Variants in STXBP5L observed in about 807,000 individuals in gnomAD.
STXBP5L encodes the protein syntaxin-binding protein 5-like.
STXBP5L carries 65 observed loss-of-function variants against 144.5 expected under a neutral mutation model. The observed-to-expected ratio is 0.45, with a 90% confidence interval of 0.37 to 0.55. STXBP5L has a LOEUF of 0.55. Among genes scored for constraint, STXBP5L ranks in the 20% least tolerant of loss-of-function variants. STXBP5L has a pLI of 0.00. For missense variants in STXBP5L, 1,298 were observed against 1,405.5 expected, an observed-to-expected ratio of 0.92 and a Z score of 1.22; for synonymous variants, 505 against 469.6, an observed-to-expected ratio of 1.08 and a Z score of -0.97.
intron 3 of STXBP5L, among the ~76,000 whole-genome samples, chr3:120,974,483 GCTC>G (rs1940693217): frequency 4.7e-5 from 7 of 148,864 alleles, no homozygotes; most frequent in African/African-American, 1.5e-4. Flanking sequence ...ATTCTCCCAT[GCTC>G]TAGGTTGCCT....
chr3:121,002,224 TCTC>T (rs1943839836), intron 3 of STXBP5L, among the ~76,000 whole-genome samples: 1 of 152,156 alleles, frequency 6.6e-6, no homozygotes. Flanking sequence ...TTATCTTTCT[TCTC>T]TTTGATAATA....
At chr3:121,078,778 T>C (rs2042132660) in intron 5 of STXBP5L, among the ~76,000 whole-genome samples, 1 of 152,232 alleles carries the variant, frequency 6.6e-6, no homozygotes, top group East Asian at 1.9e-4. Context: ...CAGTACACCC[T>C]CCGCAGCCGC....
chr3:121,365,307 A>G (rs1479220071), intron 20 of STXBP5L, among the ~76,000 whole-genome samples: 1 of 151,914 alleles, frequency 6.6e-6, no homozygotes, highest in Non-Finnish European at 1.5e-5. Context: ...GTCCTCTTCA[A>G]TTTTTGAAAA....
chr3:120,965,885 C>T (rs1939508248), intron 3 of STXBP5L, among the ~76,000 whole-genome samples: 1 of 152,128 alleles, frequency 6.6e-6, no homozygotes, highest in South Asian at 2.1e-4. Flanking sequence ...CAACTTGGTG[C>T]CATTCTCCCC....
intron 20 of STXBP5L, among the ~76,000 whole-genome samples, chr3:121,334,268 C>A (rs541492444): frequency 2.3e-4 from 35 of 152,122 alleles, no homozygotes; most frequent in African/African-American, 7.9e-4. Context: ...ACCTACCAAC[C>A]AGAAAAGTCC....
chr3:121,027,902 T>C (rs1946068444), intron 3 of STXBP5L, among the ~76,000 whole-genome samples: 1 of 152,096 alleles, frequency 6.6e-6, no homozygotes, highest in Non-Finnish European at 1.5e-5. Context: ...CTTTCATATA[T>C]CCTCAGCTCT....
chr3:121,392,014 T>G (rs2046601479), intron 22 of STXBP5L, among the ~76,000 whole-genome samples: 1 of 152,130 alleles, frequency 6.6e-6, no homozygotes, highest in African/African-American at 2.4e-5. Flanking sequence ...CCCACAGAGG[T>G]GGAGTCTAGA....
intron 10 of STXBP5L, among the ~76,000 whole-genome samples, chr3:121,217,950 A>G (rs993037372): frequency 2.0e-5 from 3 of 148,856 alleles, no homozygotes; most frequent in East Asian, 3.9e-4. Flanking sequence ...TTCAGTTAAA[A>G]CAACATTTAG....
intron 7 of STXBP5L, among the ~76,000 whole-genome samples, chr3:121,143,984 G>A (rs1294361456): frequency 6.6e-6 from 1 of 151,594 alleles, no homozygotes; most frequent in Non-Finnish European, 1.5e-5. Flanking sequence ...AAATAAACAT[G>A]TAGGACAAGG....
intron 20 of STXBP5L, among the ~76,000 whole-genome samples, chr3:121,363,817 G>T (rs145965766): frequency 6.6e-6 from 1 of 152,044 alleles, no homozygotes; most frequent in Non-Finnish European, 1.5e-5. Context: ...GAGATGATTG[G>T]TGGAGTTTTC....
At chr3:121,412,800 A>G (rs745338852) in intron 23 of STXBP5L, among the ~76,000 whole-genome samples, 12 of 151,506 alleles carry the variant, frequency 7.9e-5, no homozygotes, top group Non-Finnish European at 1.5e-4. Flanking sequence ...TGAGCCTTGA[A>G]GATAAGAAGA....
intron 20 of STXBP5L, among the ~76,000 whole-genome samples, chr3:121,348,290 C>T (rs933814403): frequency 3.3e-5 from 5 of 152,110 alleles, no homozygotes; most frequent in Admixed American, 6.5e-5. Flanking sequence ...ACCAGCCTTG[C>T]GTCCCAGGGA....
chr3:121,147,346 A>G (rs1429177236), intron 7 of STXBP5L, among the ~76,000 whole-genome samples: 1 of 152,128 alleles, frequency 6.6e-6, no homozygotes, highest in African/African-American at 2.4e-5. Flanking sequence ...ATTAAGTACT[A>G]CACTTCTGAA....
At chr3:121,055,085 G>A (rs1948353895) in intron 5 of STXBP5L, among the ~76,000 whole-genome samples, 1 of 152,106 alleles carries the variant, frequency 6.6e-6, no homozygotes, top group Admixed American at 6.6e-5. Flanking sequence ...TTTGAGATAA[G>A]TTTTAATCAC....
chr3:121,070,205 G>A (rs115168466), intron 5 of STXBP5L, among the ~76,000 whole-genome samples: 6 of 152,326 alleles, frequency 3.9e-5, no homozygotes, highest in South Asian at 2.1e-4. Flanking sequence ...TGGGAACTAC[G>A]TGAGGCGAGA....
At chr3:121,229,041 A>G (rs1258608665) in intron 11 of STXBP5L, among the ~76,000 whole-genome samples, 1 of 152,188 alleles carries the variant, frequency 6.6e-6, no homozygotes, top group Non-Finnish European at 1.5e-5. Context: ...TCACACCCAG[A>G]ATTTCCTTCA....
At chr3:121,327,950 G>A (rs1010249882) in intron 20 of STXBP5L, among the ~76,000 whole-genome samples, 3 of 152,172 alleles carry the variant, frequency 2.0e-5, no homozygotes, top group East Asian at 1.9e-4. Context: ...CAGTTTTTCA[G>A]GGTGTGAAGG....
At chr3:121,045,622 C>A in intron 5 of STXBP5L, 87 bp downstream of exon 5, 1 of 1,125,824 alleles carries the variant, frequency 8.9e-7, no homozygotes. Flanking sequence ...GGCTTTTTTC[C>A]TCATAATCTC....
At position 121,119,641 on chromosome 3, in the gene STXBP5L, T is replaced by A. The variant is rs17248676; in HGVS notation, c.606-2000T>A. 2.6e-5 allele frequency among the ~76,000 whole-genome samples: 4 copies of A among 151,324 alleles called. No homozygotes were observed. The Admixed American group carries it at 2.6e-4, about 10-fold the overall frequency. On this transcript the variant is annotated intron_variant, in intron 6 of 26. Coordinates refer to ENST00000471454, the MANE Select transcript of STXBP5L (RefSeq NM_001308330.2). Reference sequence around the variant, plus strand: ...TTCAGAATCCAAAGTCCACAGATGCTTTTTTATTTTTAGGTCAATTTCTCA... The same window carrying A: ...TTCAGAATCCAAAGTCCACAGATGCATTTTTATTTTTAGGTCAATTTCTCA...
Sources: allele counts gnomAD v4.1 joint callset (sites outside exome capture counted in the v4.1 genomes callset), GRCh38; gene constraint gnomAD v4.1.1; transcripts MANE v1.5; gene names NCBI Gene and HGNC (gene_info 2026-07-23, HGNC 2026-07-21).